NRXN2: variants seen among roughly 807,000 people sequenced by gnomAD.
NRXN2 encodes neurexin 2.
Under a neutral mutation model 128.8 loss-of-function variants are expected in NRXN2, and 29 were observed. The observed-to-expected ratio is 0.23, with a 90% CI of 0.17 to 0.31. The LOEUF is 0.31. NRXN2 is among the 10% of genes least tolerant of loss of function. NRXN2 has a pLI of 1.00. For missense variants in NRXN2, 1,881 were observed against 2,452.6 expected, an observed-to-expected ratio of 0.77 and a Z score of 4.92; for synonymous variants, 1,098 against 1,075.2, an observed-to-expected ratio of 1.02 and a Z score of -0.41.
At chr11:64,671,018 G>A (rs2050559939) in intron 7 of NRXN2, among the ~76,000 whole-genome samples, 1 of 152,186 alleles carries the variant, frequency 6.6e-6, no homozygotes, top group Admixed American at 6.5e-5. Flanking sequence ...TGCACTCTCA[G>A]ACTTAGAAGA....
At chr11:64,668,063 C>G (rs1407827471) in intron 8 of NRXN2, among the ~76,000 whole-genome samples, 1 of 152,236 alleles carries the variant, frequency 6.6e-6, no homozygotes, top group African/African-American at 2.4e-5. Context: ...ATGAAGTAGG[C>G]ACTGACTACC....
In NRXN2 at chr11:64,620,294, C is replaced by G; in HGVS notation, c.4252G>C (p.Gly1418Arg). 2 of 1,551,672 alleles carry G rather than the reference C, an allele frequency of 1.3e-6. No individual in the cohort carries two copies. The highest frequency in any genetic ancestry group is 1.7e-6 in the Non-Finnish European group (2 of 1,146,986). ...CAGGGGAGGGGGGAAAGGCACTCAC[C>G]AGTACTGGGCTCACACTCCTCCAGG... ...EDLEECEPST[G>R]GELILPIITE... Residue 1418 changes from glycine to arginine, a missense_variant and splice_region_variant, in exon 22 of 23, where the codon GGA (glycine) becomes CGA (arginine). Around this residue, in one of 7 missense-constraint regions of NRXN2, gnomAD observed 310 missense variants for 318.2 expected, o/e 0.97. Coordinates refer to ENST00000265459, the MANE Select transcript of NRXN2 (RefSeq NM_015080.4).
chr11:64,612,255 G>C (rs980534425), intron 22 of NRXN2, among the ~76,000 whole-genome samples: 5 of 152,138 alleles, frequency 3.3e-5, no homozygotes, highest in African/African-American at 1.2e-4. Flanking sequence ...CCCAACCGCT[G>C]CCCGTGCTGC....
intron 17 of NRXN2, among the ~76,000 whole-genome samples, chr11:64,636,685 G>A (rs1761259366): frequency 6.6e-6 from 1 of 152,066 alleles, no homozygotes; most frequent in East Asian, 1.9e-4. Flanking sequence ...TAGACAGGGA[G>A]AAAATGTCAG....
chr11:64,720,336 C>T (rs567094849), intron 1 of NRXN2, among the ~76,000 whole-genome samples: 92 of 152,294 alleles, frequency 6.0e-4, no homozygotes, highest in Admixed American at 1.3e-3. Context: ...GATGGAGCAG[C>T]AAGGTGGGTG....
intron 12 of NRXN2, 121 bp from the exon 13 acceptor site, chr11:64,652,275 A>G: frequency 3.1e-6 from 4 of 1,298,322 alleles, no homozygotes; most frequent in Non-Finnish European, 4.3e-6. Flanking sequence ...GAACACATAC[A>G]TGACCAGTGG....
chr11:64,643,261 T>C (rs1339365371), intron 17 of NRXN2: 2 of 972,796 alleles, frequency 2.1e-6, no homozygotes, highest in South Asian at 9.7e-5. Context: ...GGAGACCTGG[T>C]TCCCCCGAAG....
chr11:64,638,024 A>G (rs985983987), intron 17 of NRXN2, among the ~76,000 whole-genome samples: 1 of 152,146 alleles, frequency 6.6e-6, no homozygotes, highest in Non-Finnish European at 1.5e-5. Context: ...GTAGAGAGGC[A>G]GACCCCCGAC....
At chr11:64,662,300 A>G (rs909628813) in intron 9 of NRXN2, among the ~76,000 whole-genome samples, 1 of 151,672 alleles carries the variant, frequency 6.6e-6, no homozygotes, top group Admixed American at 6.6e-5. Context: ...AGAAGAAGAA[A>G]AGGAAGAGGA....
chr11:64,673,286 T>C (rs1051470878), intron 7 of NRXN2, among the ~76,000 whole-genome samples: 1 of 152,234 alleles, frequency 6.6e-6, no homozygotes, highest in Admixed American at 6.5e-5. Context: ...ATCAGCCTGA[T>C]CACACCTAAT....
intron 5 of NRXN2, among the ~76,000 whole-genome samples, chr11:64,686,613 G>A (rs895212056): frequency 4.6e-5 from 7 of 152,180 alleles, no homozygotes; most frequent in African/African-American, 1.7e-4. Context: ...ACCAGGCAGA[G>A]CTCACATGGG....
intron 11 of NRXN2, among the ~76,000 whole-genome samples, chr11:64,655,613 G>T (rs904123085): frequency 1.3e-5 from 2 of 152,180 alleles, no homozygotes; most frequent in African/African-American, 4.8e-5. Context: ...CCCAAAGAAG[G>T]AGCTTGATTC....
intron 9 of NRXN2, among the ~76,000 whole-genome samples, chr11:64,664,555 G>C (rs1197649549): frequency 1.3e-5 from 2 of 151,304 alleles, no homozygotes; most frequent in Admixed American, 6.6e-5. Context: ...TGTCCCATGT[G>C]ATCTGCAGGA....
At chr11:64,662,708 G>C (rs1052430631) in intron 9 of NRXN2, among the ~76,000 whole-genome samples, 2 of 152,056 alleles carry the variant, frequency 1.3e-5, no homozygotes, top group Admixed American at 1.3e-4. Flanking sequence ...TGTGAACCCG[G>C]GAGGCAGAGC....
chr11:64,699,191 T>C (rs2135612077), intron 2 of NRXN2, among the ~76,000 whole-genome samples: 1 of 151,876 alleles, frequency 6.6e-6, no homozygotes, highest in East Asian at 1.9e-4. Flanking sequence ...CAAGCACCAA[T>C]ACCTACACAG....
In NRXN2 at chr11:64,648,345, G is replaced by T; in HGVS notation, c.3284-7C>A. On this transcript the variant is annotated splice_region_variant and splice_polypyrimidine_tract_variant and intron_variant, in intron 16 of 22. Transcript: ENST00000265459. This position sits in a 1 kb window ranked among gnomAD's most constrained non-coding sequence, Gnocchi z 4.1. ...GTGCAGGTGGTGCTGGGGCCTGGAA[G>T]GGGCAGGAGAAAGGAACACCCCTGG... is the stretch of plus-strand genomic sequence containing the variant. 1 of 1,614,162 alleles carries T rather than the reference G, an allele frequency of 6.2e-7. No individual in the cohort carries two copies. Among genetic ancestry groups the T allele is most frequent in the Non-Finnish European group, 8.5e-7 (1 of 1,180,018 alleles).
chr11:64,635,596 T>G lies in NRXN2; in HGVS notation c.3404-144A>C. On this transcript the variant is annotated intron_variant, in intron 17 of 22. Coordinates refer to ENST00000265459, the MANE Select transcript of NRXN2 (RefSeq NM_015080.4). This position sits in a 1 kb window ranked among gnomAD's most constrained non-coding sequence, Gnocchi z 4.8. ...TGATACCCACAGCAGCCACCAGCCC[T>G]GCCACCCCAGGGAGAAGTTGGCAGG... 1 of 935,520 alleles carries G rather than the reference T, an allele frequency of 1.1e-6. No homozygotes were observed. Among genetic ancestry groups the G allele is most frequent in the Non-Finnish European group, 1.7e-6 (1 of 601,628 alleles). The allele number at this position is 935,520 out of a possible 1,614,324, so 58.0% of individuals were successfully genotyped here.
chr11:64,693,792 A>G (rs1464643720), intron 3 of NRXN2, among the ~76,000 whole-genome samples: 2 of 152,158 alleles, frequency 1.3e-5, no homozygotes, highest in Non-Finnish European at 2.9e-5. Flanking sequence ...CAAGGTCCAA[A>G]GAGGACAGCC....
At chr11:64,613,127 G>A (rs571667083) in intron 22 of NRXN2, among the ~76,000 whole-genome samples, 9 of 152,334 alleles carry the variant, frequency 5.9e-5, no homozygotes, top group South Asian at 2.1e-4. Flanking sequence ...AGAAAAAAAC[G>A]GTACATTGTG....
Sources: allele counts gnomAD v4.1 joint callset (sites outside exome capture counted in the v4.1 genomes callset), GRCh38; gene constraint gnomAD v4.1.1; regional missense constraint gnomAD v4.1.1; non-coding constraint Gnocchi (gnomAD v3.1); transcripts MANE v1.5; gene names NCBI Gene and HGNC (gene_info 2026-07-23, HGNC 2026-07-21).